The following SLCO1C1 variants were observed in gnomAD, a reference collection of about 807,000 sequenced individuals.
SLCO1C1 encodes OAT-RP-5.
Under a neutral mutation model 76.4 loss-of-function variants are expected in SLCO1C1, and 70 were observed. The observed-to-expected ratio is 0.92, with a 90% CI of 0.76 to 1.12. SLCO1C1 has a LOEUF of 1.12. Among genes scored for constraint, SLCO1C1 ranks in the 50% most tolerant of loss-of-function variants. The pLI is 0.00. For synonymous variants in SLCO1C1, 306 were observed against 286.1 expected, an observed-to-expected ratio of 1.07 and a Z score of -0.70; for missense variants, 912 against 823.8, an observed-to-expected ratio of 1.11 and a Z score of -1.31.
chr12:20,736,682 T>C (rs536605432), intron 10 of SLCO1C1, among the ~76,000 whole-genome samples: 1 of 152,196 alleles, frequency 6.6e-6, no homozygotes, highest in African/African-American at 2.4e-5. Flanking sequence ...CACTCATACT[T>C]AGACAACAAT....
intron 4 of SLCO1C1, 48 bp downstream of exon 4, chr12:20,706,129 T>A: frequency 6.5e-7 from 1 of 1,544,170 alleles, no homozygotes; most frequent in Non-Finnish European, 8.7e-7. Flanking sequence ...AACAACTGCA[T>A]TTCTCCCTTT....
chr12:20,727,801 G>GC (rs1948096238), intron 9 of SLCO1C1, among the ~76,000 whole-genome samples: 1 of 152,184 alleles, frequency 6.6e-6, no homozygotes, highest in Non-Finnish European at 1.5e-5. Context: ...GAGCCACTGC[G>GC]CCCGGCCACG....
intron 7 of SLCO1C1, among the ~76,000 whole-genome samples, chr12:20,717,463 T>A (rs962155834): frequency 6.6e-5 from 10 of 151,842 alleles, no homozygotes; most frequent in African/African-American, 2.4e-4. Flanking sequence ...CTATCTTTTT[T>A]CACTTTTGAT....
At position 20,723,262 on chromosome 12, in the gene SLCO1C1, C is replaced by T. The variant is rs181072662; in HGVS notation, c.1186+8C>T. On this transcript the variant is annotated splice_region_variant and intron_variant, in intron 9 of 14. Transcript: ENST00000266509. ...GGGCCAACTTTGTGATCGGTATGCTCATCTGCCTTTCATGCTTTCTCAGAG... is the reference window on the plus strand; with the variant it reads ...GGGCCAACTTTGTGATCGGTATGCTTATCTGCCTTTCATGCTTTCTCAGAG... 145 of 1,612,438 alleles carry T rather than the reference C, an allele frequency of 9.0e-5. 2 individuals carry two copies. In the Admixed American group the frequency reaches 1.9e-3, roughly 21 times the overall value.
chr12:20,715,728 G>A (rs926204476), intron 6 of SLCO1C1, among the ~76,000 whole-genome samples: 1 of 152,114 alleles, frequency 6.6e-6, no homozygotes, highest in Admixed American at 6.5e-5. Flanking sequence ...AGCTATGAGG[G>A]ATAGGCAACA....
chr12:20,742,566 C>T lies in SLCO1C1; in HGVS notation c.1734-739C>T, dbSNP rs570014251. On this transcript the variant is annotated intron_variant, in intron 12 of 14. Transcript: ENST00000266509. ...TATTTACTTTTTAGATGGAGTCTCG[C>T]TCTGTCACCCAGGCTGGAGGGCAGT... Among the ~76,000 whole-genome samples, 11 of 133,706 alleles carry T rather than the reference C, an allele frequency of 8.2e-5. 1 individual carries two copies. The South Asian group carries it at 3.2e-3, about 39-fold the overall frequency. 87.7% of individuals were successfully genotyped at this position (133,706 alleles called of 152,430 possible).
chr12:20,704,535 A>G (rs1055330098), intron 3 of SLCO1C1, among the ~76,000 whole-genome samples: 1 of 151,810 alleles, frequency 6.6e-6, no homozygotes, highest in African/African-American at 2.4e-5. Context: ...CTTGTGCTAA[A>G]TTATTCGTTT....
chr12:20,737,654 A>C (rs1037726339), intron 11 of SLCO1C1, among the ~76,000 whole-genome samples: 1 of 152,152 alleles, frequency 6.6e-6, no homozygotes, highest in Admixed American at 6.5e-5. Context: ...GGGAATGAAC[A>C]AATAGAGGCC....
intron 10 of SLCO1C1, 83 bp from the exon 11 acceptor site, chr12:20,737,024 C>G: frequency 8.2e-7 from 1 of 1,215,878 alleles, no homozygotes; most frequent in Admixed American, 4.0e-5. Flanking sequence ...TCATTTATAT[C>G]ACTCAAGAAC....
intron 14 of SLCO1C1, 108 bp downstream of exon 14, chr12:20,750,900 A>C (rs1212168640): frequency 6.2e-7 from 1 of 1,602,976 alleles, no homozygotes; most frequent in Non-Finnish European, 8.5e-7. Context: ...TGTAAGGTAA[A>C]GAATAGTCTA....
rs112124137 is a variant in SLCO1C1 at position 20,720,809 on chromosome 12, G to A, written c.776-995G>A. On this transcript the variant is annotated intron_variant, in intron 7 of 14. Coordinates refer to ENST00000266509, the MANE Select transcript of SLCO1C1 (RefSeq NM_017435.5). ...GGTCAGGAGTTCGAGACTGGCCTGA[G>A]CAGCATGGAGAAACCCTGTCTCTAC... Among the ~76,000 whole-genome samples the A allele has an allele frequency of 2.0e-5, 3 of 151,996 alleles. No homozygotes were observed. The South Asian group carries it at 6.2e-4, about 31-fold the overall frequency.
Position 20,717,288 on chromosome 12 carries a change from G to A in SLCO1C1, c.775+58G>A, listed in dbSNP as rs1212285045. The A allele has an allele frequency of 2.2e-6, 3 of 1,350,788 alleles. No homozygotes were observed. In the East Asian group the frequency reaches 7.3e-5, roughly 33 times the overall value. 83.7% of individuals were successfully genotyped at this position (1,350,788 alleles called of 1,614,324 possible). ...TTTTAGTCACTGTAACATTTTTAAT[G>A]GGAACAGTGTGGAAATTATCAAATT... On this transcript the variant is annotated intron_variant, in intron 7 of 14. Transcript: ENST00000266509.
chr12:20,733,796 T>C lies in SLCO1C1; in HGVS notation c.1382+692T>C, dbSNP rs940622516. 1.3e-5 allele frequency among the ~76,000 whole-genome samples: 2 copies of C among 152,066 alleles called. 1 individual carries two copies. The highest frequency in any genetic ancestry group is 1.3e-4 in the Admixed American group (2 of 15,248). ...TTCAGGCCTCTCATCTTGTATGGGG[T>C]GGGTGATTACATTGCTTGGTTTCCA... is the stretch of plus-strand genomic sequence containing the variant. On this transcript the variant is annotated intron_variant, in intron 10 of 14. Transcript: ENST00000266509.
intron 9 of SLCO1C1, 24 bp from the exon 10 acceptor site, chr12:20,732,885 T>C (rs1213155361): frequency 1.9e-6 from 3 of 1,610,692 alleles, no homozygotes; most frequent in Admixed American, 3.4e-5. Context: ...ATTCACAAAA[T>C]GATATATTTT....
intron 4 of SLCO1C1, among the ~76,000 whole-genome samples, chr12:20,709,105 A>T (rs1019752296): frequency 6.6e-6 from 1 of 152,204 alleles, no homozygotes; most frequent in Non-Finnish European, 1.5e-5. Flanking sequence ...GCAAAATTTC[A>T]TACATCAAAG....
At chr12:20,738,834 C>G (rs1443369333) in intron 11 of SLCO1C1, among the ~76,000 whole-genome samples, 1 of 152,004 alleles carries the variant, frequency 6.6e-6, no homozygotes, top group East Asian at 1.9e-4. Context: ...AACTGAGGCA[C>G]TGAGATACAA....
Position 20,750,809 on chromosome 12 carries a change from A to T in SLCO1C1, c.1916+17A>T, listed in dbSNP as rs1468060887. 6.2e-7 allele frequency: 1 copy of T among 1,613,986 alleles called. No homozygotes were observed. ...TGTCTTCAGGTACCAAATCAAAAGC[A>T]TTCCCGCATCTCATTGCTACAGCAT... On this transcript the variant is annotated intron_variant, in intron 14 of 14. Coordinates refer to ENST00000266509, the MANE Select transcript of SLCO1C1 (RefSeq NM_017435.5).
At chr12:20,745,329 C>CTTTTTTATTTAAAGT (rs1948992199) in intron 13 of SLCO1C1, among the ~76,000 whole-genome samples, 1 of 152,076 alleles carries the variant, frequency 6.6e-6, no homozygotes, top group South Asian at 2.1e-4. Context: ...AATAAGCATA[C>CTTTTTTATTTAAAGT]ATGAAAAACT....
intron 11 of SLCO1C1, among the ~76,000 whole-genome samples, chr12:20,738,349 T>C (rs1200239875): frequency 6.6e-6 from 1 of 152,142 alleles, no homozygotes; most frequent in Non-Finnish European, 1.5e-5. Flanking sequence ...GCTTTCTATT[T>C]GTGACTGATT....
Sources: allele counts gnomAD v4.1 joint callset (sites outside exome capture counted in the v4.1 genomes callset), GRCh38; gene constraint gnomAD v4.1.1; transcripts MANE v1.5; gene names NCBI Gene and HGNC (gene_info 2026-07-23, HGNC 2026-07-21).